The following SOBP variants were observed in gnomAD, a reference collection of about 807,000 sequenced individuals.
SOBP encodes the protein sine oculis binding protein homolog.
SOBP carries 4 observed loss-of-function variants against 53.6 expected under a neutral mutation model. That is an observed-to-expected ratio of 0.07 (90% confidence interval 0.04 to 0.17). The LOEUF (loss-of-function observed/expected upper bound fraction) is 0.17. Among genes scored for constraint, SOBP ranks in the 10% least tolerant of loss-of-function variants. The pLI is 1.00. For synonymous variants in SOBP, 584 were observed against 522.6 expected, an observed-to-expected ratio of 1.12 and a Z score of -1.60; for missense variants, 1,088 against 1,204.7, an observed-to-expected ratio of 0.90 and a Z score of 1.43.
At chr6:107,564,202 G>A (rs1057164335) in intron 4 of SOBP, among the ~76,000 whole-genome samples, 7 of 151,960 alleles carry the variant, frequency 4.6e-5, no homozygotes, top group Non-Finnish European at 7.4e-5. Flanking sequence ...CCAAGTAGCA[G>A]ACTGAATGTA....
chr6:107,601,378 T>A (rs542292494), intron 5 of SOBP, among the ~76,000 whole-genome samples: 70 of 152,224 alleles, frequency 4.6e-4, no homozygotes, highest in Non-Finnish European at 9.3e-4. Context: ...TCCAATTTGC[T>A]CTCAACTCCG....
chr6:107,506,205 C>G, intron 2 of SOBP, 37 bp from the exon 3 acceptor site: 1 of 1,586,492 alleles, frequency 6.3e-7, no homozygotes, highest in Non-Finnish European at 8.7e-7. Context: ...GCATTACATT[C>G]CTTGGTCACA....
At chr6:107,622,687 T>C (rs1770233070) in intron 5 of SOBP, among the ~76,000 whole-genome samples, 1 of 152,030 alleles carries the variant, frequency 6.6e-6, no homozygotes, top group Non-Finnish European at 1.5e-5. Context: ...CACAGACATA[T>C]CTAATAGGTA....
intron 6 of SOBP, among the ~76,000 whole-genome samples, chr6:107,641,818 G>T (rs188526398): frequency 6.6e-6 from 1 of 152,180 alleles, no homozygotes; most frequent in South Asian, 2.1e-4. Flanking sequence ...ACGCTGCACC[G>T]TGGAACACTT....
At chr6:107,490,828 C>T in intron 1 of SOBP, 116 bp downstream of exon 1, 3 of 770,308 alleles carry the variant, frequency 3.9e-6, no homozygotes, top group Admixed American at 4.1e-5. Flanking sequence ...CTGTAGGATG[C>T]CCAGAACGGC....
intron 6 of SOBP, among the ~76,000 whole-genome samples, chr6:107,638,854 C>T (rs1230486886): frequency 6.6e-6 from 1 of 151,898 alleles, no homozygotes; most frequent in Non-Finnish European, 1.5e-5. Context: ...ATTCTTCTCA[C>T]TATGTCTGCC....
At chr6:107,570,866 T>G (rs1785054067) in intron 4 of SOBP, among the ~76,000 whole-genome samples, 1 of 152,244 alleles carries the variant, frequency 6.6e-6, no homozygotes, top group Non-Finnish European at 1.5e-5. Flanking sequence ...ACTTGTAAGC[T>G]TTCTCCCTCA....
chr6:107,533,699 C>G, intron 4 of SOBP, 89 bp downstream of exon 4: 2 of 1,502,102 alleles, frequency 1.3e-6, no homozygotes, highest in South Asian at 2.3e-5. Flanking sequence ...GAAAACACTG[C>G]GCACCTTTTA....
chr6:107,503,248 A>G (rs555017702), intron 1 of SOBP, among the ~76,000 whole-genome samples: 22 of 152,348 alleles, frequency 1.4e-4, no homozygotes, highest in African/African-American at 5.3e-4. Flanking sequence ...ATTTTAATTG[A>G]AATTGATCTG....
intron 6 of SOBP, among the ~76,000 whole-genome samples, chr6:107,642,661 A>C (rs1562123406): frequency 6.6e-6 from 1 of 152,204 alleles, no homozygotes; most frequent in East Asian, 1.9e-4. Context: ...CCTCATTCCC[A>C]TCCAGATATT....
intron 5 of SOBP, among the ~76,000 whole-genome samples, chr6:107,627,054 A>C (rs1265345449): frequency 6.6e-6 from 1 of 152,232 alleles, no homozygotes; most frequent in African/African-American, 2.4e-5. Context: ...CAGGCAGACC[A>C]GGTTTTTTGA....
intron 4 of SOBP, among the ~76,000 whole-genome samples, chr6:107,553,184 A>C (rs1784511475): frequency 6.6e-6 from 1 of 151,984 alleles, no homozygotes. Flanking sequence ...TGATAATCTG[A>C]AGAAAGCTTC....
intron 4 of SOBP, among the ~76,000 whole-genome samples, chr6:107,571,815 A>G (rs960909280): frequency 1.3e-4 from 20 of 152,170 alleles, no homozygotes; most frequent in African/African-American, 4.6e-4. Context: ...AACTAATACA[A>G]TTTCATTTTG....
intron 5 of SOBP, among the ~76,000 whole-genome samples, chr6:107,599,610 G>GA (rs10685353): frequency 0.12 from 16,746 of 138,454 alleles, 1,145 homozygotes; most frequent in Admixed American, 0.19. Flanking sequence ...TGATTTTTGA[G>GA]AAAAAAAAAA....
At chr6:107,519,641 G>A (rs1004276024) in intron 3 of SOBP, among the ~76,000 whole-genome samples, 1 of 152,188 alleles carries the variant, frequency 6.6e-6, no homozygotes, top group African/African-American at 2.4e-5. Flanking sequence ...GGGGATTAAA[G>A]CATACTATAG....
At chr6:107,502,368 G>A (rs1355280346) in intron 1 of SOBP, among the ~76,000 whole-genome samples, 4 of 152,264 alleles carry the variant, frequency 2.6e-5, no homozygotes, top group African/African-American at 7.2e-5. Context: ...TAGGAAGCTC[G>A]TGGTTCCCTG....
intron 3 of SOBP, among the ~76,000 whole-genome samples, chr6:107,508,361 C>G (rs148159731): frequency 2.4e-3 from 363 of 152,220 alleles, no homozygotes; most frequent in African/African-American, 8.4e-3. Context: ...GGTGGATCAC[C>G]TGAGGTCAGG....
At chr6:107,631,854 T>C (rs1770727804) in intron 5 of SOBP, among the ~76,000 whole-genome samples, 1 of 152,222 alleles carries the variant, frequency 6.6e-6, no homozygotes, top group Non-Finnish European at 1.5e-5. Flanking sequence ...TGCCAACATG[T>C]TGTTCAGTCT....
intron 3 of SOBP, among the ~76,000 whole-genome samples, chr6:107,529,875 T>G (rs1783769976): frequency 6.6e-6 from 1 of 152,228 alleles, no homozygotes; most frequent in African/African-American, 2.4e-5. Flanking sequence ...AGAAAATGCC[T>G]TAAACATTCT....
Sources: gnomAD v4.1 joint callset for allele counts (sites outside exome capture counted in the v4.1 genomes callset) on GRCh38, gnomAD v4.1.1 for gene constraint, MANE v1.5 for transcripts, NCBI Gene and HGNC (gene_info 2026-07-23, HGNC 2026-07-21) for gene names.